Variants in KLC4 observed in about 807,000 individuals in gnomAD.
KLC4 encodes kinesin-like protein 8.
A neutral mutation model predicts 77.2 loss-of-function variants in KLC4; 49 were observed. The observed-to-expected ratio is 0.63, with a 90% CI of 0.50 to 0.80. The LOEUF (loss-of-function observed/expected upper bound fraction) is 0.80. KLC4 is among the 30% of genes least tolerant of loss of function. The pLI, the probability that KLC4 is intolerant of heterozygous loss-of-function variation, is 0.00. For missense variants in KLC4, 669 were observed against 793.5 expected (o/e 0.84, Z 1.89); for synonymous variants, 274 against 314.5 (o/e 0.87, Z 1.36).
rs1300229532 is a variant in KLC4 at position 43,073,311 on chromosome 6, T to C, written c.1718T>C (p.Leu573Pro). ...RRSSELLVRK[L>P]QGTEPRPSSS... is the part of the protein sequence containing the mutation. ...AGCAGTGAACTCTTGGTGAGGAAGC[T>C]CCAGGGGACTGAGCCTCGGCCCTCC... The change falls in exon 14 of 16, where the codon CTC becomes CCC. Residue 573 changes from leucine to proline, a missense_variant. Transcript: ENST00000347162. 6.2e-7 allele frequency: 1 copy of C among 1,613,830 alleles called. No individual in the cohort carries two copies. The highest frequency in any genetic ancestry group is 8.5e-7 in the Non-Finnish European group (1 of 1,179,878).
At chr6:43,069,134 T>A (rs997275449) in intron 6 of KLC4, among the ~76,000 whole-genome samples, 10 of 151,450 alleles carry the variant, frequency 6.6e-5, no homozygotes, top group African/African-American at 2.4e-4. Context: ...TAAATAAATA[T>A]AAATAAAAGG....
intron 2 of KLC4, 35 bp from the exon 3 acceptor site, chr6:43,062,882 C>A (rs755219300): frequency 6.5e-5 from 103 of 1,582,474 alleles, no homozygotes; most frequent in South Asian, 3.2e-4. Flanking sequence ...ATACTCCCAC[C>A]CAGAATCTGG....
intron 3 of KLC4, among the ~76,000 whole-genome samples, chr6:43,064,872 C>G (rs1765335958): frequency 6.6e-6 from 1 of 152,048 alleles, no homozygotes; most frequent in African/African-American, 2.4e-5. Flanking sequence ...CGTAGTAAGT[C>G]CAGAATGAGC....
chr6:43,070,925 G>A, intron 8 of KLC4, 60 bp downstream of exon 8: 3 of 291,970 alleles, frequency 1.0e-5, no homozygotes, highest in East Asian at 1.1e-4. Context: ...GAGGTGGGGG[G>A]AGGGGGGGCA....
Position 43,070,394 on chromosome 6 carries a change from A to G in KLC4, c.920A>G (p.Lys307Arg), listed in dbSNP as rs1252451209. 2 of 1,614,174 alleles carry G rather than the reference A, an allele frequency of 1.2e-6. No individual in the cohort carries two copies. The highest frequency in any genetic ancestry group is 1.7e-6 in the Non-Finnish European group (2 of 1,180,010). The change falls in exon 7 of 16, where the codon AAA becomes AGA. Residue 307 changes from lysine to arginine, a missense_variant. Lys to Arg is a conservative substitution (Grantham distance 26). Coordinates refer to ENST00000347162, the MANE Select transcript of KLC4 (RefSeq NM_201521.3). Reference sequence around the variant, plus strand: ...AACAATTTGGCTGTGCTCTATGGCAAAAGGGGCAAGTACAAGGAGGCAGAG... The same window carrying G: ...AACAATTTGGCTGTGCTCTATGGCAGAAGGGGCAAGTACAAGGAGGCAGAG... ...TLNNLAVLYG[K>R]RGKYKEAEPL...
At chr6:43,070,631 C>T (rs745335714) in intron 7 of KLC4, 61 bp from the exon 8 acceptor site, 35 of 1,524,906 alleles carry the variant, frequency 2.3e-5, no homozygotes, top group Admixed American at 3.4e-5. Flanking sequence ...TGCAAACACA[C>T]GTGTGCTTGT....
At chr6:43,062,712 T>C (rs926802702) in intron 2 of KLC4, 2 of 588,322 alleles carry the variant, frequency 3.4e-6, no homozygotes, top group Non-Finnish European at 6.1e-6. Context: ...TAGGAATTGA[T>C]AGTGGCTTGG....
intron 3 of KLC4, 25 bp downstream of exon 3, chr6:43,063,172 C>A: frequency 6.4e-7 from 1 of 1,571,868 alleles, no homozygotes; most frequent in South Asian, 1.1e-5. Flanking sequence ...GCGAGACTGG[C>A]TGAGGGGTGG....
intron 3 of KLC4, among the ~76,000 whole-genome samples, chr6:43,064,391 G>C (rs552394180): frequency 6.6e-6 from 1 of 152,210 alleles, no homozygotes; most frequent in African/African-American, 2.4e-5. Flanking sequence ...TGATGTGGTC[G>C]TGTGCACCTA....
intron 1 of KLC4, chr6:43,059,976 C>T (rs533640685): frequency 3.0e-6 from 4 of 1,351,920 alleles, no homozygotes; most frequent in Admixed American, 3.3e-5. Context: ...CCCCCTGCCG[C>T]CCCCGCCCAT....
intron 1 of KLC4, chr6:43,059,918 T>TCCA (rs1343197107): frequency 2.6e-5 from 33 of 1,266,970 alleles, no homozygotes; most frequent in Non-Finnish European, 3.2e-5. Flanking sequence ...TCGTTAGGCC[T>TCCA]CCACGTCCTC....
intron 11 of KLC4, 58 bp from the exon 12 acceptor site, chr6:43,072,087 CAA>C (rs770478809): frequency 8.8e-6 from 13 of 1,484,768 alleles, no homozygotes; most frequent in African/African-American, 1.4e-5. Flanking sequence ...GCTTGGAAGA[CAA>C]ATGTTTTGTT....
Position 43,071,252 on chromosome 6 carries a change from ATTT to A in KLC4, c.1156-20_1156-18del, listed in dbSNP as rs1480393294. On this transcript the variant is annotated intron_variant, in intron 8 of 15. Coordinates refer to ENST00000347162, the MANE Select transcript of KLC4 (RefSeq NM_201521.3). ...GCCTCCCTCCATGTTTTGTTCCTGT[ATTT>A]TTGCCTTTCTGTCCTCCAGGCTTCC... is the stretch of plus-strand genomic sequence containing the variant. 7.0e-7 allele frequency: 1 copy of A among 1,419,372 alleles called. No homozygotes were observed. The highest frequency in any genetic ancestry group is 9.9e-7 in the Non-Finnish European group (1 of 1,008,788). 87.9% of individuals were successfully genotyped at this position (1,419,372 alleles called of 1,614,324 possible). A position where few individuals can be genotyped will look rare whatever the true frequency, so the allele number is the denominator to read the frequency against.
intron 3 of KLC4, among the ~76,000 whole-genome samples, chr6:43,064,857 G>C (rs901650642): frequency 6.6e-6 from 1 of 152,050 alleles, no homozygotes. Flanking sequence ...AGTGAGGGAG[G>C]GTTACGTAGT....
chr6:43,073,308 A>G lies in KLC4; in HGVS notation c.1715A>G (p.Lys572Arg), dbSNP rs770254808. The change falls in exon 14 of 16, where the codon AAG (lysine) becomes AGG (arginine). Residue 572 changes from lysine (K) to arginine (R), a missense_variant. Lys to Arg is a conservative substitution (Grantham distance 26, BLOSUM62 2). Coordinates refer to ENST00000347162, the MANE Select transcript of KLC4 (RefSeq NM_201521.3). Reference sequence around the variant, plus strand: ...AGAAGCAGTGAACTCTTGGTGAGGAAGCTCCAGGGGACTGAGCCTCGGCCC... The same window carrying G: ...AGAAGCAGTGAACTCTTGGTGAGGAGGCTCCAGGGGACTGAGCCTCGGCCC... ...LRRSSELLVR[K>R]LQGTEPRPSS... is the part of the protein sequence containing the mutation. The G allele has an allele frequency of 1.2e-6, 2 of 1,613,946 alleles. No individual in the cohort carries two copies. Among genetic ancestry groups the G allele is most frequent in the South Asian group, 2.2e-5 (2 of 91,074 alleles).
chr6:43,071,417 G>T, intron 9 of KLC4, 43 bp downstream of exon 9: 3 of 1,571,110 alleles, frequency 1.9e-6, no homozygotes, highest in Non-Finnish European at 2.6e-6. Context: ...GGGAAGAAAA[G>T]AAATTCAGAC....
intron 1 of KLC4, chr6:43,060,277 G>A (rs756183396): frequency 1.2e-6 from 2 of 1,613,662 alleles, no homozygotes; most frequent in East Asian, 2.2e-5. Flanking sequence ...GCCTCTTGCT[G>A]TAGGTCTCTG....
At position 43,074,954 on chromosome 6, in the gene KLC4, T is replaced by A; in HGVS notation, c.*282T>A. On this transcript the variant is annotated 3_prime_UTR_variant, in exon 16 of 16. Coordinates refer to ENST00000347162, the MANE Select transcript of KLC4 (RefSeq NM_201521.3). ...AGGTATGGCCCTCAGAGATGCAGCC[T>A]GCTGCTGGCTTTTCAGTCAGAGGGT... The A allele has an allele frequency of 2.3e-6, 1 of 427,072 alleles. No individual in the cohort carries two copies. Among genetic ancestry groups the A allele is most frequent in the African/African-American group, 2.0e-5 (1 of 49,856 alleles). 26.5% of individuals were successfully genotyped at this position (427,072 alleles called of 1,614,324 possible).
intron 3 of KLC4, 58 bp downstream of exon 3, chr6:43,063,205 A>G (rs906554936): frequency 1.3e-4 from 165 of 1,312,312 alleles, no homozygotes; most frequent in Admixed American, 4.0e-4. Flanking sequence ...TACCACAGAC[A>G]TGGGGGCAAT....
Sources: gnomAD v4.1 joint callset for allele counts (sites outside exome capture counted in the v4.1 genomes callset) on GRCh38, gnomAD v4.1.1 for gene constraint, MANE v1.5 for transcripts, NCBI Gene and HGNC (gene_info 2026-07-23, HGNC 2026-07-21) for gene names.